The following NAA35 variants were observed in gnomAD, a reference collection of about 807,000 sequenced individuals.
The protein encoded by NAA35 is N-alpha-acetyltransferase 35, NatC auxiliary subunit.
A neutral mutation model predicts 101.7 loss-of-function variants in NAA35; 18 were observed. The observed-to-expected ratio is 0.18, with a 90% CI of 0.12 to 0.26. The LOEUF (loss-of-function observed/expected upper bound fraction) is 0.26. Among genes scored for constraint, NAA35 ranks in the 10% least tolerant of loss-of-function variants. NAA35 has a pLI of 1.00. For missense variants in NAA35, 601 were observed against 886.8 expected (o/e 0.68, Z 4.09); for synonymous variants, 267 against 273.1 (o/e 0.98, Z 0.22).
intron 2 of NAA35, among the ~76,000 whole-genome samples, chr9:85,951,027 ACTTGGGAGG>A (rs1828996107): frequency 6.6e-6 from 1 of 151,942 alleles, no homozygotes. Flanking sequence ...AGTCCCAGCT[ACTTGGGAGG>A]CTGATGCAGG....
intron 13 of NAA35, among the ~76,000 whole-genome samples, chr9:86,004,478 A>C (rs1283480709): frequency 1.5e-5 from 2 of 136,754 alleles, no homozygotes; most frequent in African/African-American, 2.6e-5. Flanking sequence ...AGACCCTGTC[A>C]AAAAAAAAAA....
chr9:85,996,517 A>G lies in NAA35; in HGVS notation c.996A>G (p.Leu332=). 2.5e-6 allele frequency: 4 copies of G among 1,603,878 alleles called. No individual in the cohort carries two copies. The highest frequency in any genetic ancestry group is 3.4e-6 in the Non-Finnish European group (4 of 1,176,836). ...AAATGGTGAACTATTTTGCAAGATT[A>G]ATAGATAGAATAAAAACTGTCTGTG... ...REEMVNYFAR[L]IDRIKTVCEV... is the part of the protein sequence containing the mutation. The change falls in exon 12 of 23, where the codon TTA becomes TTG. Residue 332 remains leucine, a synonymous_variant. Transcript: ENST00000361671.
Position 86,018,774 on chromosome 9 carries a change from C to G in NAA35, c.1990C>G (p.Gln664Glu). ...GTATGTGGCAGCTAGTAAGCACTTT[C>G]AACAGGCAAAAATGATATTGGAAAA... The part of the protein sequence containing the change: ...ELYVAASKHF[Q>E]QAKMILENIP... The change falls in exon 21 of 23, where the codon CAA (glutamine) becomes GAA (glutamate). Residue 664 changes from glutamine (Q) to glutamate (E), a missense_variant. By Grantham distance (29) the Gln-to-Glu change is conservative. Transcript: ENST00000361671. 1 of 1,614,074 alleles carries G rather than the reference C, an allele frequency of 6.2e-7. No homozygotes were observed. Among genetic ancestry groups the G allele is most frequent in the Non-Finnish European group, 8.5e-7 (1 of 1,179,988 alleles).
intron 15 of NAA35, 44 bp downstream of exon 15, chr9:86,009,975 T>A: frequency 6.6e-7 from 1 of 1,520,572 alleles, no homozygotes; most frequent in South Asian, 1.1e-5. Flanking sequence ...ACTTTAAAAA[T>A]CATGGGCTGT....
chr9:85,962,710 C>G (rs921669577), intron 6 of NAA35, among the ~76,000 whole-genome samples: 2 of 152,104 alleles, frequency 1.3e-5, no homozygotes, highest in Admixed American at 6.5e-5. Flanking sequence ...TATGTTCTTT[C>G]TGTAGTACCA....
Position 86,021,839 on chromosome 9 carries a change from T to C in NAA35, c.2119-62T>C, listed in dbSNP as rs183749609. ...GAAACTCTAAAATAAAAATAGTCTT[T>C]GTTTTGTGTACCATCTGAATATTTG... On this transcript the variant is annotated intron_variant, in intron 22 of 22. Transcript: ENST00000361671. The C allele has an allele frequency of 9.8e-4, 1,251 of 1,280,246 alleles. 1 individual carries two copies. The highest frequency in any genetic ancestry group is 1.2e-3 in the Non-Finnish European group (1,103 of 906,130). The allele number at this position is 1,280,246 out of a possible 1,614,324, so 79.3% of individuals were successfully genotyped here.
At chr9:85,943,394 T>C (rs1828608901) in intron 2 of NAA35, among the ~76,000 whole-genome samples, 4 of 152,098 alleles carry the variant, frequency 2.6e-5, no homozygotes. Flanking sequence ...TCCTGATGGC[T>C]TGTATTGTCT....
At position 86,024,694 on chromosome 9, in the gene NAA35, T is replaced by C. The variant is rs1391653742; in HGVS notation, c.*2734T>C. ...TTTTTTGGCTTTGGCAACTAGACGATGGTGGTGCCACTTGTGTAGATATCT... is the reference window on the plus strand; with the variant it reads ...TTTTTTGGCTTTGGCAACTAGACGACGGTGGTGCCACTTGTGTAGATATCT... On this transcript the variant is annotated 3_prime_UTR_variant, in exon 23 of 23. Transcript: ENST00000361671. 5.9e-5 allele frequency among the ~76,000 whole-genome samples: 9 copies of C among 152,194 alleles called. No individual in the cohort carries two copies. Among genetic ancestry groups the C allele is most frequent in the South Asian group, 4.1e-4 (2 of 4,826 alleles).
At chr9:86,016,830 C>T (rs901030743) in intron 18 of NAA35, among the ~76,000 whole-genome samples, 155 bp downstream of exon 18, 1 of 152,226 alleles carries the variant, frequency 6.6e-6, no homozygotes, top group African/African-American at 2.4e-5. Flanking sequence ...GTATCAATGA[C>T]ATAAGCTTTT....
At chr9:85,989,205 G>A (rs1007637683) in intron 11 of NAA35, among the ~76,000 whole-genome samples, 1 of 152,154 alleles carries the variant, frequency 6.6e-6, no homozygotes, top group Non-Finnish European at 1.5e-5. Flanking sequence ...GGGCGTGGTG[G>A]CTCACGCCTG....
chr9:85,997,045 G>T (rs114415628), intron 12 of NAA35, among the ~76,000 whole-genome samples: 1 of 151,828 alleles, frequency 6.6e-6, no homozygotes, highest in Admixed American at 6.6e-5. Context: ...GGACCTTCTC[G>T]GCTCAAGCAA....
intron 2 of NAA35, among the ~76,000 whole-genome samples, chr9:85,952,630 A>T (rs1046549305): frequency 6.6e-6 from 1 of 151,858 alleles, no homozygotes; most frequent in Non-Finnish European, 1.5e-5. Flanking sequence ...TTTGATATGC[A>T]GCAGAAGTGT....
intron 11 of NAA35, among the ~76,000 whole-genome samples, chr9:85,982,182 A>C (rs1205946879): frequency 1.3e-5 from 2 of 152,174 alleles, no homozygotes; most frequent in African/African-American, 4.8e-5. Context: ...TACATGGAGC[A>C]CTGTACTAGT....
chr9:85,948,730 G>A (rs1188895821), intron 2 of NAA35, among the ~76,000 whole-genome samples: 2 of 152,068 alleles, frequency 1.3e-5, no homozygotes, highest in Admixed American at 6.5e-5. Flanking sequence ...TCTGATACAT[G>A]TGAAAGTTAT....
intron 11 of NAA35, among the ~76,000 whole-genome samples, chr9:85,988,813 C>T (rs998922133): frequency 1.9e-4 from 28 of 150,342 alleles, no homozygotes; most frequent in African/African-American, 5.6e-4. Flanking sequence ...AAAAAAAGGA[C>T]ATGGAGGTCA....
intron 6 of NAA35, among the ~76,000 whole-genome samples, chr9:85,965,687 A>T (rs1397119121): frequency 1.3e-5 from 2 of 152,178 alleles, no homozygotes; most frequent in Non-Finnish European, 2.9e-5. Context: ...ATTGGAAAAA[A>T]AATGAGATTG....
At chr9:85,955,351 TATA>T (rs1350052416) in intron 2 of NAA35, among the ~76,000 whole-genome samples, 5,098 of 80,810 alleles carry the variant, frequency 0.063, 192 homozygotes, top group Non-Finnish European at 0.081. Flanking sequence ...TATATATATA[TATA>T]TATATATTTT....
chr9:86,018,742 C>A lies in NAA35; in HGVS notation c.1958C>A (p.Pro653His). The change falls in exon 21 of 23, where the codon CCT becomes CAT. Residue 653 changes from proline to histidine, a missense_variant. Coordinates refer to ENST00000361671, the MANE Select transcript of NAA35 (RefSeq NM_024635.4). ...LNKYSPPPQS[P>H]ELYVAASKHF... ...AAATATAGCCCTCCTCCTCAGTCTC[C>A]TGAACTGTATGTGGCAGCTAGTAAG... The A allele has an allele frequency of 6.2e-7, 1 of 1,614,056 alleles. No individual in the cohort carries two copies. The highest frequency in any genetic ancestry group is 8.5e-7 in the Non-Finnish European group (1 of 1,179,990).
chr9:85,969,899 T>A (rs2117977465), intron 6 of NAA35, among the ~76,000 whole-genome samples: 1 of 151,870 alleles, frequency 6.6e-6, no homozygotes, highest in Admixed American at 6.6e-5. Flanking sequence ...ATTCAGTGTC[T>A]CTGGTTTTCT....
Sources: gnomAD v4.1 joint callset for allele counts (sites outside exome capture counted in the v4.1 genomes callset) on GRCh38, gnomAD v4.1.1 for gene constraint, MANE v1.5 for transcripts, NCBI Gene and HGNC (gene_info 2026-07-23, HGNC 2026-07-21) for gene names.